Variants in PCDH15 observed in about 807,000 individuals in gnomAD.
PCDH15 encodes protocadherin related 15.
PCDH15 carries 129 observed loss-of-function variants against 178.5 expected under a neutral mutation model. That is an observed-to-expected ratio of 0.72 (90% CI 0.63 to 0.84). The LOEUF is 0.84. PCDH15 is among the 40% of genes least tolerant of loss of function. PCDH15 has a pLI of 0.00. For synonymous variants in PCDH15, 800 were observed against 732.0 expected (o/e 1.09, Z -1.50); for missense variants, 2,230 against 2,099.9 (o/e 1.06, Z -1.21).
intron 2 of PCDH15, among the ~76,000 whole-genome samples, chr10:54,572,491 GGAAAACGAAAA>G (rs2089968583): frequency 6.6e-6 from 1 of 152,032 alleles, no homozygotes; most frequent in Non-Finnish European, 1.5e-5. Flanking sequence ...TAATTTGAAA[GGAAAACGAAAA>G]GAGAGGATTG....
At chr10:55,310,884 G>C (rs950367768) in intron 1 of PCDH15, among the ~76,000 whole-genome samples, 1 of 152,158 alleles carries the variant, frequency 6.6e-6, no homozygotes, top group African/African-American at 2.4e-5. Context: ...GGTGGTGAGG[G>C]GCTAGGGGAG....
At chr10:54,100,270 C>A (rs928705710) in intron 15 of PCDH15, among the ~76,000 whole-genome samples, 3 of 151,466 alleles carry the variant, frequency 2.0e-5, no homozygotes, top group African/African-American at 7.3e-5. Flanking sequence ...GAGGCTGAGG[C>A]AGGAGAATCG....
chr10:55,394,245 T>C (rs1458610070), intron 2 of PCDH15, among the ~76,000 whole-genome samples: 3 of 152,036 alleles, frequency 2.0e-5, no homozygotes, highest in African/African-American at 7.2e-5. Flanking sequence ...GTTACTACTA[T>C]TCTTTCTTTC....
intron 3 of PCDH15, among the ~76,000 whole-genome samples, chr10:54,832,305 T>C (rs1953238538): frequency 6.6e-6 from 1 of 152,102 alleles, no homozygotes; most frequent in Non-Finnish European, 1.5e-5. Flanking sequence ...TAACTCTGAG[T>C]GAGTACAAAT....
intron 5 of PCDH15, among the ~76,000 whole-genome samples, chr10:54,366,310 C>T (rs767155004): frequency 2.0e-4 from 30 of 152,104 alleles, no homozygotes; most frequent in Non-Finnish European, 2.9e-4. Context: ...AAACTGTGAA[C>T]GATTTTTTTG....
chr10:54,072,139 T>C (rs1019870995), intron 17 of PCDH15, among the ~76,000 whole-genome samples: 42 of 152,136 alleles, frequency 2.8e-4, no homozygotes, highest in African/African-American at 9.9e-4. Context: ...AGTTTTCCTA[T>C]CTGAATAAAA....
intron 7 of PCDH15, among the ~76,000 whole-genome samples, chr10:54,324,452 A>T (rs927363209): frequency 6.6e-6 from 1 of 152,184 alleles, no homozygotes; most frequent in Non-Finnish European, 1.5e-5. Context: ...ATTATAAATT[A>T]TTCTTGCCAT....
rs77300223 is a variant in PCDH15 at position 54,814,973 on chromosome 10, T to C, written c.-29+82477A>G. Among the ~76,000 whole-genome samples, 19 of 152,218 alleles carry C rather than the reference T, an allele frequency of 1.2e-4. No individual in the cohort carries two copies. The East Asian group carries it at 1.9e-3, about 15-fold the overall frequency. ...ATACTTTTCAGTTAAATAGTTAACA[T>C]TGTGATAGTGTCTTTGTCACCCAAA... On this transcript the variant is annotated intron_variant, in intron 3 of 5. Coordinates refer to the PCDH15 transcript ENST00000458638.
intron 2 of PCDH15, among the ~76,000 whole-genome samples, chr10:55,019,101 TATA>T (rs943091624): frequency 6.6e-6 from 1 of 152,286 alleles, no homozygotes; most frequent in East Asian, 1.9e-4. Context: ...CTTTTTTTAT[TATA>T]ATATTACATT....
intron 1 of PCDH15, among the ~76,000 whole-genome samples, chr10:55,249,088 A>G (rs886765934): frequency 1.3e-5 from 2 of 152,222 alleles, no homozygotes; most frequent in Admixed American, 1.3e-4. Flanking sequence ...AGATAGATAA[A>G]CAAACGATAA....
chr10:55,407,280 A>G (rs1304280815), intron 2 of PCDH15, among the ~76,000 whole-genome samples: 1 of 152,190 alleles, frequency 6.6e-6, no homozygotes, highest in Non-Finnish European at 1.5e-5. Flanking sequence ...TCACATCAGA[A>G]AAATAATTGA....
chr10:55,016,365 A>C (rs1840179515), intron 2 of PCDH15, among the ~76,000 whole-genome samples: 1 of 151,448 alleles, frequency 6.6e-6, no homozygotes, highest in African/African-American at 2.4e-5. Flanking sequence ...CTATCTAACT[A>C]TATTTTTGTA....
chr10:55,188,736 A>G (rs1199364954), intron 1 of PCDH15, among the ~76,000 whole-genome samples: 2 of 151,830 alleles, frequency 1.3e-5, no homozygotes, highest in Non-Finnish European at 2.9e-5. Context: ...AAAAATCTCA[A>G]TAGCCTTTGC....
At chr10:54,622,724 AT>A (rs2093422582) in intron 2 of PCDH15, among the ~76,000 whole-genome samples, 1 of 33,346 alleles carries the variant, frequency 3.0e-5, no homozygotes, top group African/African-American at 1.1e-4. Context: ...TATAATATAT[AT>A]TATATAATTA....
intron 2 of PCDH15, among the ~76,000 whole-genome samples, chr10:55,596,730 A>G (rs1368586449): frequency 6.6e-6 from 1 of 152,154 alleles, no homozygotes; most frequent in Non-Finnish European, 1.5e-5. Context: ...TTTTTAATTG[A>G]AAGAGTAATA....
chr10:54,810,463 A>T (rs1952844823), intron 3 of PCDH15, among the ~76,000 whole-genome samples: 1 of 152,130 alleles, frequency 6.6e-6, no homozygotes, highest in Non-Finnish European at 1.5e-5. Context: ...TAATGTACCA[A>T]ATATGGATAT....
chr10:54,286,089 A>T (rs538432506), intron 8 of PCDH15, among the ~76,000 whole-genome samples: 1 of 152,188 alleles, frequency 6.6e-6, no homozygotes, highest in Non-Finnish European at 1.5e-5. Context: ...AAAAAATTCA[A>T]AGTTACATTT....
At chr10:54,342,005 A>G (rs1040415885) in intron 6 of PCDH15, among the ~76,000 whole-genome samples, 5 of 152,238 alleles carry the variant, frequency 3.3e-5, no homozygotes, top group African/African-American at 1.2e-4. Context: ...ATTATGTGAA[A>G]CTGGAACTTA....
At chr10:55,060,492 A>G (rs900801450) in intron 2 of PCDH15, among the ~76,000 whole-genome samples, 8 of 152,028 alleles carry the variant, frequency 5.3e-5, no homozygotes, top group African/African-American at 1.9e-4. Context: ...AAGTCAAATG[A>G]GCTAATTTTG....
Sources: gnomAD v4.1 joint callset for allele counts (sites outside exome capture counted in the v4.1 genomes callset) on GRCh38, gnomAD v4.1.1 for gene constraint, MANE v1.5 for transcripts, NCBI Gene and HGNC (gene_info 2026-07-23, HGNC 2026-07-21) for gene names.